Variants in NFASC observed in about 807,000 individuals in gnomAD.
NFASC encodes neurofascin.
NFASC carries 43 observed loss-of-function variants against 147.5 expected under a neutral mutation model. That is an observed-to-expected ratio of 0.29 (90% CI 0.23 to 0.38). The LOEUF is 0.38. Ranked by LOEUF, NFASC falls within the 10% of genes least tolerant of loss-of-function variation. The probability of loss-of-function intolerance (pLI) is 1.00; values close to 1 mark genes in which losing one functional copy is unlikely to be tolerated. For synonymous variants in NFASC, 622 were observed against 665.5 expected, an observed-to-expected ratio of 0.93 and a Z score of 1.01; for missense variants, 1,320 against 1,689.0, an observed-to-expected ratio of 0.78 and a Z score of 3.83.
intron 2 of NFASC, among the ~76,000 whole-genome samples, chr1:204,939,137 T>C (rs1330915590): frequency 1.3e-5 from 2 of 151,428 alleles, no homozygotes. Context: ...AATCATGTTC[T>C]CCAGTACTTA....
At chr1:204,868,916 G>A (rs2077341415) in intron 1 of NFASC, among the ~76,000 whole-genome samples, 1 of 152,218 alleles carries the variant, frequency 6.6e-6, no homozygotes, top group South Asian at 2.1e-4. Context: ...TGCTGATATG[G>A]AAAAGGGCTG....
chr1:204,972,568 G>A (rs2095292254), intron 11 of NFASC, among the ~76,000 whole-genome samples: 1 of 152,200 alleles, frequency 6.6e-6, no homozygotes, highest in Admixed American at 6.5e-5. Context: ...TACTAGAACT[G>A]TGGGCAAGAA....
intron 2 of NFASC, among the ~76,000 whole-genome samples, chr1:204,922,957 A>G (rs1368921103): frequency 1.3e-5 from 2 of 152,194 alleles, no homozygotes; most frequent in Non-Finnish European, 2.9e-5. Flanking sequence ...ATCCTCCCAC[A>G]GTGGCCCCAT....
chr1:205,009,586 A>T lies in NFASC; in HGVS notation c.3319A>T (p.Thr1107Ser). Reference sequence around the variant, plus strand: ...CACCAACAACCAAGCGGACATCGCCACCCAGGGCTGGTTCATTGGGCTTAT... The same window carrying T: ...CACCAACAACCAAGCGGACATCGCCTCCCAGGGCTGGTTCATTGGGCTTAT... ...AYTNNQADIA[T>S]QGWFIGLMCA... Residue 1107 changes from threonine to serine, a missense_variant, in exon 28 of 30, where the codon ACC becomes TCC. By Grantham distance (58) the Thr-to-Ser change is moderately conservative (BLOSUM62 1). Coordinates refer to ENST00000339876, the MANE Select transcript of NFASC (RefSeq NM_001005388.3). 1 of 1,614,108 alleles carries T rather than the reference A, an allele frequency of 6.2e-7. No homozygotes were observed. The highest frequency in any genetic ancestry group is 1.1e-5 in the South Asian group (1 of 91,078).
At chr1:204,940,071 A>C (rs567702145) in intron 2 of NFASC, among the ~76,000 whole-genome samples, 1 of 152,278 alleles carries the variant, frequency 6.6e-6, no homozygotes, top group South Asian at 2.1e-4. Context: ...TGTCCTCTTC[A>C]TCCTCTGTCC....
Position 205,012,823 on chromosome 1 carries a change from G to A in NFASC, c.3448G>A (p.Gly1150Ser), listed in dbSNP as rs1342539064. The A allele has an allele frequency of 6.2e-7, 1 of 1,613,512 alleles. No homozygotes were observed. Among genetic ancestry groups the A allele is most frequent in the African/African-American group, 1.3e-5 (1 of 74,896 alleles). ...PVREKKDVPL[G>S]PEDPKEEDGS... ...ACGAGAAAAGAAGGATGTTCCCCTT[G>A]GCCCTGAAGACCCCAAGGAAGAGGA... The change falls in exon 29 of 30, where the codon GGC (glycine) becomes AGC (serine). Residue 1150 changes from glycine (G) to serine (S), a missense_variant. By Grantham distance (56) the Gly-to-Ser change is moderately conservative (BLOSUM62 0). Around this residue, in one of 3 missense-constraint regions of NFASC, gnomAD observed 167 missense variants for 233.8 expected, o/e 0.71. Coordinates refer to ENST00000339876, the MANE Select transcript of NFASC (RefSeq NM_001005388.3).
chr1:204,917,960 T>C (rs2089652429), intron 1 of NFASC, among the ~76,000 whole-genome samples: 1 of 152,204 alleles, frequency 6.6e-6, no homozygotes, highest in Non-Finnish European at 1.5e-5. Flanking sequence ...GAAATGTGCA[T>C]GCACAGGTGT....
intron 1 of NFASC, among the ~76,000 whole-genome samples, chr1:204,857,916 C>CTTTTT (rs777663775): frequency 0.084 from 10,924 of 129,884 alleles, 877 homozygotes; most frequent in East Asian, 0.35. Flanking sequence ...CCTTCTTCTT[C>CTTTTT]TTCTTTTTTT....
chr1:205,012,724 C>CA (rs1238026900), intron 28 of NFASC, 73 bp from the exon 29 acceptor site: 2 of 1,130,078 alleles, frequency 1.8e-6, no homozygotes, highest in Non-Finnish European at 2.7e-6. Flanking sequence ...GCCCTGCATT[C>CA]AGTGGAGCCC....
At chr1:204,870,565 C>G in intron 1 of NFASC, 1 of 644,322 alleles carries the variant, frequency 1.6e-6, no homozygotes, top group South Asian at 6.6e-5. Context: ...CTTGGGGAGC[C>G]TGGCCCGGCC....
chr1:204,858,723 C>G (rs942316127), intron 1 of NFASC, among the ~76,000 whole-genome samples: 1 of 151,998 alleles, frequency 6.6e-6, no homozygotes, highest in African/African-American at 2.4e-5. Flanking sequence ...TCTCAGGAGG[C>G]TTTTTGCGGA....
intron 1 of NFASC, among the ~76,000 whole-genome samples, chr1:204,906,928 C>T (rs1161697194): frequency 1.3e-5 from 2 of 152,122 alleles, no homozygotes; most frequent in African/African-American, 2.4e-5. Context: ...TGTGATCCGC[C>T]CGCCTTGGCC....
At chr1:204,946,495 C>A in intron 3 of NFASC, 1 of 410,490 alleles carries the variant, frequency 2.4e-6, no homozygotes. Flanking sequence ...ACACACATGG[C>A]ACCTCCCCGG....
intron 26 of NFASC, 124 bp downstream of exon 26, chr1:205,001,410 C>CT (rs1302504946): frequency 1.4e-5 from 9 of 663,686 alleles, no homozygotes; most frequent in Admixed American, 2.3e-5. Flanking sequence ...TTTAGCCTGG[C>CT]TTAATTATGG....
chr1:204,848,287 G>A (rs1193902963), intron 1 of NFASC, among the ~76,000 whole-genome samples: 1 of 152,182 alleles, frequency 6.6e-6, no homozygotes, highest in Non-Finnish European at 1.5e-5. Context: ...CTGGAGTGCA[G>A]TGGCGCAATT....
At chr1:204,902,920 G>A (rs573203704) in intron 1 of NFASC, among the ~76,000 whole-genome samples, 29 of 152,228 alleles carry the variant, frequency 1.9e-4, no homozygotes, top group East Asian at 1.9e-4. Flanking sequence ...ATGTGTGAAT[G>A]TATTTCCGCA....
At chr1:204,883,473 G>A (rs764934964) in intron 1 of NFASC, among the ~76,000 whole-genome samples, 21 of 152,208 alleles carry the variant, frequency 1.4e-4, no homozygotes, top group Non-Finnish European at 3.1e-4. Flanking sequence ...CCCGCTCTGT[G>A]GCCTGTGCAG....
intron 4 of NFASC, among the ~76,000 whole-genome samples, chr1:204,950,850 C>T (rs981319220): frequency 5.3e-5 from 8 of 152,158 alleles, no homozygotes; most frequent in Non-Finnish European, 7.3e-5. Context: ...GTGGCTGGCA[C>T]AGGACCCCAG....
chr1:204,887,964 G>C (rs750608705), intron 1 of NFASC, among the ~76,000 whole-genome samples: 3 of 152,050 alleles, frequency 2.0e-5, no homozygotes, highest in Non-Finnish European at 4.4e-5. Context: ...TAAATTGGTG[G>C]GTAAACAGAG....
Sources: gnomAD v4.1 joint callset for allele counts (sites outside exome capture counted in the v4.1 genomes callset) on GRCh38, gnomAD v4.1.1 for gene constraint, gnomAD v4.1.1 regional missense constraint, MANE v1.5 for transcripts, NCBI Gene and HGNC (gene_info 2026-07-23, HGNC 2026-07-21) for gene names.